The following FRMPD4 variants were observed in gnomAD, a reference collection of about 807,000 sequenced individuals.
FRMPD4 encodes FERM and PDZ domain containing 4.
FRMPD4 carries 22 observed loss-of-function variants against 94.1 expected under a neutral mutation model. That is an observed-to-expected ratio of 0.23 (90% CI 0.17 to 0.33). FRMPD4 has a LOEUF of 0.33. Ranked by LOEUF, FRMPD4 falls within the 10% of genes least tolerant of loss-of-function variation. FRMPD4 has a pLI of 1.00. For synonymous variants in FRMPD4, 631 were observed against 548.6 expected (o/e 1.15, Z -2.10); for missense variants, 1,111 against 1,339.9 (o/e 0.83, Z 2.67).
At chrX:12,551,284 C>A (rs1412702969) in intron 2 of FRMPD4, among the ~76,000 whole-genome samples, 1 of 110,990 alleles carries the variant, frequency 9.0e-6, no homozygotes, top group African/African-American at 3.3e-5. Context: ...TATGTCCCCA[C>A]ACACTTCTCT....
At chrX:12,060,407 C>CT (rs34618179) in intron 3 of FRMPD4, among the ~76,000 whole-genome samples, 6,714 of 93,275 alleles carry the variant, frequency 0.072, 236 homozygotes, top group East Asian at 0.24. Context: ...GTTTATGTGT[C>CT]TTTTTTTTTT....
intron 1 of FRMPD4, among the ~76,000 whole-genome samples, chrX:12,197,423 C>A (rs1377213742): frequency 8.9e-6 from 1 of 111,761 alleles, no homozygotes; most frequent in Non-Finnish European, 1.9e-5. Flanking sequence ...TATGTCTGCT[C>A]CTGGCCTTCT....
At chrX:12,044,376 T>C (rs774150517) in intron 3 of FRMPD4, among the ~76,000 whole-genome samples, 1 of 112,268 alleles carries the variant, frequency 8.9e-6, no homozygotes, top group South Asian at 3.7e-4. Flanking sequence ...TAATAATCTT[T>C]AAATGAGTGA....
intron 3 of FRMPD4, among the ~76,000 whole-genome samples, chrX:12,024,563 T>C (rs759749706): frequency 1.8e-5 from 2 of 112,222 alleles, no homozygotes; most frequent in South Asian, 7.4e-4. Flanking sequence ...AAAATCCATG[T>C]ATTATCCTAT....
chrX:12,692,753 A>G (rs754863169), intron 8 of FRMPD4, among the ~76,000 whole-genome samples: 1 of 112,631 alleles, frequency 8.9e-6, no homozygotes, highest in East Asian at 2.8e-4. Flanking sequence ...AATTCAAGAA[A>G]GAAAAGTTGA....
At chrX:12,095,346 C>G (rs1472069377) in intron 3 of FRMPD4, among the ~76,000 whole-genome samples, 1 of 106,351 alleles carries the variant, frequency 9.4e-6, no homozygotes, top group Non-Finnish European at 1.9e-5. Flanking sequence ...CCACTGCACT[C>G]CAGCCTGGGT....
At chrX:12,339,702 C>T (rs888666236) in intron 1 of FRMPD4, among the ~76,000 whole-genome samples, 10 of 110,237 alleles carry the variant, frequency 9.1e-5, no homozygotes, top group Middle Eastern at 9.3e-3. Flanking sequence ...CTGCAACCTC[C>T]GCCTCCTGAG....
At chrX:12,614,751 A>G (rs2059218550) in intron 3 of FRMPD4, 28 bp from the exon 4 acceptor site, 1 of 803,634 alleles carries the variant, frequency 1.2e-6, no homozygotes, top group Non-Finnish European at 1.9e-6. Context: ...TGGTCTTCTC[A>G]CCTGTGCTTC....
At position 12,377,657 on chromosome X, in the gene FRMPD4, A is replaced by G. The variant is rs779605843; in HGVS notation, c.42-121023A>G. Among the ~76,000 whole-genome samples, 26 of 112,624 alleles carry G rather than the reference A, an allele frequency of 2.3e-4. No homozygotes were observed. In the South Asian group the frequency reaches 9.6e-3, roughly 42 times the overall value. ...ACTCAGAATATCTCCCTGGGTGCAG[A>G]TGAGAGCTCACAAAAGGTGCTTGTT... On this transcript the variant is annotated intron_variant, in intron 1 of 16. Transcript: ENST00000675598.
rs1302927086 is a variant in FRMPD4 at position 12,196,889 on chromosome X, T to C, written c.41+57877T>C. 8.7e-5 allele frequency among the ~76,000 whole-genome samples: 7 copies of C among 80,765 alleles called. No individual in the cohort carries two copies. The Admixed American group carries it at 1.1e-3, about 13-fold the overall frequency. The allele number at this position is 80,765 out of a possible 115,157, so 70.1% of individuals were successfully genotyped here. The stretch of plus-strand genomic sequence containing the variant: ...AATTTGATTACCTAGAATGTGAATA[T>C]ATAAGAAACACACAATTAAATTGAA... On this transcript the variant is annotated intron_variant, in intron 1 of 16. Coordinates refer to ENST00000675598, the MANE Select transcript of FRMPD4 (RefSeq NM_001368397.1).
At chrX:12,263,351 A>G (rs187831814) in intron 1 of FRMPD4, among the ~76,000 whole-genome samples, 6 of 111,731 alleles carry the variant, frequency 5.4e-5, no homozygotes, top group African/African-American at 1.9e-4. Context: ...GAGCATTTGC[A>G]AGCAGACAAA....
chrX:12,050,017 TA>T (rs1376251341), intron 3 of FRMPD4, among the ~76,000 whole-genome samples: 2 of 112,080 alleles, frequency 1.8e-5, no homozygotes, highest in African/African-American at 6.5e-5. Context: ...GTCAAAACAT[TA>T]AAAAATTTAA....
intron 2 of FRMPD4, among the ~76,000 whole-genome samples, chrX:12,515,812 A>G (rs1480306842): frequency 1.8e-5 from 2 of 111,456 alleles, no homozygotes; most frequent in African/African-American, 6.5e-5. Flanking sequence ...TTCTCCCACT[A>G]TTATTGTGTG....
intron 1 of FRMPD4, among the ~76,000 whole-genome samples, chrX:12,370,680 G>C (rs775346235): frequency 8.9e-6 from 1 of 112,643 alleles, no homozygotes; most frequent in African/African-American, 3.2e-5. Flanking sequence ...AAAGTATTAC[G>C]TGAGAAGAAG....
intron 3 of FRMPD4, among the ~76,000 whole-genome samples, chrX:11,991,769 T>C (rs1347502005): frequency 8.9e-6 from 1 of 112,416 alleles, no homozygotes; most frequent in Non-Finnish European, 1.9e-5. Context: ...TAAAAACTTT[T>C]ATAAACTAAA....
At position 12,418,943 on chromosome X, in the gene FRMPD4, A is replaced by G. The variant is rs184651698; in HGVS notation, c.42-79737A>G. On this transcript the variant is annotated intron_variant, in intron 1 of 16. Transcript: ENST00000675598. ...TTTCAGTTTCCCAGAAGGCCTCACA[A>G]TTTTCTAACACCCCAGATACCTTTC... 9.0e-5 allele frequency among the ~76,000 whole-genome samples: 10 copies of G among 111,542 alleles called. No individual in the cohort carries two copies. The East Asian group carries it at 2.8e-3, about 31-fold the overall frequency.
At chrX:12,175,233 A>C (rs2056279481) in intron 1 of FRMPD4, among the ~76,000 whole-genome samples, 1 of 112,354 alleles carries the variant, frequency 8.9e-6, no homozygotes, top group Non-Finnish European at 1.9e-5. Flanking sequence ...GGCAAGGAAT[A>C]AAGAATGGGC....
chrX:12,017,352 G>A (rs927217378), intron 3 of FRMPD4, among the ~76,000 whole-genome samples: 2 of 112,578 alleles, frequency 1.8e-5, no homozygotes, highest in East Asian at 2.8e-4. Flanking sequence ...TCTGCCCATG[G>A]CTGTGTTTAT....
intron 2 of FRMPD4, among the ~76,000 whole-genome samples, chrX:12,543,585 A>T (rs1183080922): frequency 1.8e-5 from 2 of 111,387 alleles, no homozygotes. Context: ...AAAAGTCTGG[A>T]AACAGGTGCT....
Sources: gnomAD v4.1 joint callset for allele counts (sites outside exome capture counted in the v4.1 genomes callset) on GRCh38, gnomAD v4.1.1 for gene constraint, MANE v1.5 for transcripts, NCBI Gene and HGNC (gene_info 2026-07-23, HGNC 2026-07-21) for gene names.